Variants in RBBP8 observed in about 807,000 individuals in gnomAD.
RBBP8 encodes the protein RB binding protein 8, endonuclease.
Under a neutral mutation model 108.3 loss-of-function variants are expected in RBBP8, and 88 were observed. The ratio of observed to expected loss-of-function variants is 0.81; its 90% CI spans 0.68 to 0.97. The LOEUF is 0.97. Ranked by LOEUF, RBBP8 falls within the 50% of genes least tolerant of loss-of-function variation. The pLI is 0.00. For missense variants in RBBP8, 1,023 were observed against 1,049.0 expected (o/e 0.98, Z 0.34); for synonymous variants, 332 against 348.2 (o/e 0.95, Z 0.52).
chr18:22,921,987 T>C (rs891970960), intron 3 of RBBP8, among the ~76,000 whole-genome samples: 1 of 152,168 alleles, frequency 6.6e-6, no homozygotes, highest in Admixed American at 6.5e-5. Context: ...ACACACAATT[T>C]TGAATAGTAC....
At chr18:23,014,888 T>G (rs926500927) in intron 16 of RBBP8, among the ~76,000 whole-genome samples, 2 of 152,020 alleles carry the variant, frequency 1.3e-5, no homozygotes, top group African/African-American at 2.4e-5. Flanking sequence ...GGTTTTTTTT[T>G]GTTTTGTTTT....
At chr18:22,920,190 C>A (rs1909532246) in intron 3 of RBBP8, among the ~76,000 whole-genome samples, 1 of 151,986 alleles carries the variant, frequency 6.6e-6, no homozygotes, top group African/African-American at 2.4e-5. Context: ...ATTACTTGGG[C>A]ACAGTGGTTA....
intron 5 of RBBP8, among the ~76,000 whole-genome samples, chr18:22,972,731 G>A (rs1448799004): frequency 6.6e-6 from 1 of 152,152 alleles, no homozygotes; most frequent in Non-Finnish European, 1.5e-5. Flanking sequence ...TAACTTTGAT[G>A]ATCTTCTCCA....
At chr18:22,947,160 C>T (rs1246998421) in intron 3 of RBBP8, among the ~76,000 whole-genome samples, 1 of 151,956 alleles carries the variant, frequency 6.6e-6, no homozygotes, top group Non-Finnish European at 1.5e-5. Flanking sequence ...GACTATTCAC[C>T]TTCAGATAAA....
chr18:22,932,154 A>T (rs976483128), upstream of RBBP8, among the ~76,000 whole-genome samples: 2 of 152,216 alleles, frequency 1.3e-5, no homozygotes, highest in South Asian at 2.1e-4. Context: ...AGTGAGACAC[A>T]GGCAGAGGCC....
intron 6 of RBBP8, 81 bp downstream of exon 6, chr18:22,975,300 T>C: frequency 6.5e-7 from 1 of 1,547,890 alleles, no homozygotes; most frequent in East Asian, 2.3e-5. Flanking sequence ...GTTGCAGATT[T>C]CATTTTAAAA....
At chr18:22,945,795 G>A (rs1193173927) in intron 2 of RBBP8, among the ~76,000 whole-genome samples, 1 of 152,030 alleles carries the variant, frequency 6.6e-6, no homozygotes, top group Admixed American at 6.6e-5. Context: ...TTTCATATTT[G>A]TTCAGTGACT....
chr18:22,994,418 G>GGGCA (rs750721235), intron 12 of RBBP8, among the ~76,000 whole-genome samples: 148,445 of 148,460 alleles, frequency 1, 74,215 homozygotes, highest in Middle Eastern at 1. Context: ...CGACGCTGGT[G>GGGCA]GATCACGATG....
intron 4 of RBBP8, among the ~76,000 whole-genome samples, chr18:22,961,437 G>A (rs1913089454): frequency 6.6e-6 from 1 of 152,178 alleles, no homozygotes. Context: ...GAGTGGTAGG[G>A]CAAGTGTGTA....
chr18:22,967,834 G>C (rs1253907610), intron 4 of RBBP8, among the ~76,000 whole-genome samples: 1 of 151,692 alleles, frequency 6.6e-6, no homozygotes. Context: ...TTTTAGTAGA[G>C]ACAGGGGTTT....
chr18:22,993,053 A>G lies in RBBP8; in HGVS notation c.1226A>G (p.Asn409Ser). ...TCATCTAATAAACAGATACTTATAA[A>G]TAAAAATATAAGTGAATCCCTAGGT... ...IQSSNKQILINKNISESLGEQ... is the reference protein window; with the variant it reads ...IQSSNKQILISKNISESLGEQ... The change falls in exon 11 of 19, where the codon AAT (asparagine) becomes AGT (serine). Residue 409 changes from asparagine to serine, a missense_variant. Transcript: ENST00000327155. 1 of 1,611,088 alleles carries G rather than the reference A, an allele frequency of 6.2e-7. No homozygotes were observed. Among genetic ancestry groups the G allele is most frequent in the South Asian group, 1.1e-5 (1 of 90,948 alleles).
upstream of RBBP8, chr18:22,929,465 G>GGTGTGTGTGTGTGTGTGTGT (rs1165994615): frequency 9.0e-6 from 1 of 110,712 alleles, no homozygotes; most frequent in African/African-American, 4.2e-5. Flanking sequence ...TGTTTGGGCA[G>GGTGTGTGTGTGTGTGTGTGT]GTGTGTGTGT....
At chr18:23,015,680 A>G (rs1436570124) in intron 16 of RBBP8, among the ~76,000 whole-genome samples, 1 of 151,926 alleles carries the variant, frequency 6.6e-6, no homozygotes, top group African/African-American at 2.4e-5. Flanking sequence ...TGCAGTGGAT[A>G]TCCAGTTTTA....
chr18:22,993,626 T>C lies in RBBP8; in HGVS notation c.1799T>C (p.Leu600Ser). 6.2e-7 allele frequency: 1 copy of C among 1,614,274 alleles called. No individual in the cohort carries two copies. Among genetic ancestry groups the C allele is most frequent in the South Asian group, 1.1e-5 (1 of 91,082 alleles). The part of the protein sequence containing the change: ...PRESLETENV[L>S]DDIKSAGSHE... ...GAAAGTTTGGAGACTGAGAATGTTT[T>C]AGATGACATAAAGGTTTGTGTTAAA... Residue 600 changes from leucine (L) to serine (S), a missense_variant, in exon 11 of 19, where the codon TTA becomes TCA. Transcript: ENST00000327155.
intron 16 of RBBP8, among the ~76,000 whole-genome samples, chr18:23,008,711 T>C (rs2046101631): frequency 6.6e-6 from 1 of 152,228 alleles, no homozygotes; most frequent in East Asian, 1.9e-4. Context: ...ACTTTAGTCA[T>C]TGTTTCTCAG....
At chr18:22,916,421 A>G (rs757486059) in intron 2 of RBBP8, among the ~76,000 whole-genome samples, 2 of 152,138 alleles carry the variant, frequency 1.3e-5, no homozygotes, top group Non-Finnish European at 2.9e-5. Flanking sequence ...TCACTATTAT[A>G]TAATCTAAGG....
chr18:22,917,086 T>A (rs1189638696), intron 3 of RBBP8: 1 of 152,136 alleles, frequency 6.6e-6, no homozygotes, highest in Non-Finnish European at 1.5e-5. Context: ...GAGGAATTCC[T>A]AGGAAATGTG....
chr18:22,984,530 A>G (rs573302811), intron 7 of RBBP8, among the ~76,000 whole-genome samples: 1 of 152,262 alleles, frequency 6.6e-6, no homozygotes, highest in East Asian at 1.9e-4. Context: ...GATTACAGTC[A>G]TGAGCCACTG....
intron 4 of RBBP8, among the ~76,000 whole-genome samples, chr18:22,956,369 C>G (rs1289230601): frequency 6.6e-6 from 1 of 152,062 alleles, no homozygotes; most frequent in Admixed American, 6.5e-5. Context: ...GGGTCTTACT[C>G]TGTTGCCCAG....
Sources: gnomAD v4.1 joint callset for allele counts (sites outside exome capture counted in the v4.1 genomes callset) on GRCh38, gnomAD v4.1.1 for gene constraint, MANE v1.5 for transcripts, NCBI Gene and HGNC (gene_info 2026-07-23, HGNC 2026-07-21) for gene names.